Variants in THRB observed in about 807,000 individuals in gnomAD.
The protein encoded by THRB is thyroid hormone receptor beta, also known as nuclear receptor subfamily 1 group A member 2.
THRB carries 12 observed loss-of-function variants against 47.8 expected under a neutral mutation model. That is an observed-to-expected ratio of 0.25 (90% CI 0.16 to 0.41). THRB has a LOEUF of 0.41. Ranked by LOEUF, THRB falls within the 10% of genes least tolerant of loss-of-function variation. The pLI, the probability that THRB is intolerant of heterozygous loss-of-function variation, is 1.00. For synonymous variants in THRB, 218 were observed against 212.2 expected (o/e 1.03, Z -0.24); for missense variants, 348 against 589.2 (o/e 0.59, Z 4.24).
intron 4 of THRB, among the ~76,000 whole-genome samples, chr3:24,222,348 G>A (rs2047233412): frequency 6.6e-6 from 1 of 152,216 alleles, no homozygotes; most frequent in African/African-American, 2.4e-5. Flanking sequence ...GCTGAGTGGG[G>A]TTTTAAAAGG....
At chr3:24,250,677 G>C (rs1384779614) in intron 3 of THRB, among the ~76,000 whole-genome samples, 1 of 152,058 alleles carries the variant, frequency 6.6e-6, no homozygotes. Flanking sequence ...CTCCAGCCTG[G>C]GCAACAGAGT....
intron 1 of THRB, among the ~76,000 whole-genome samples, chr3:24,446,460 T>C (rs895283819): frequency 9.2e-5 from 14 of 151,962 alleles, no homozygotes; most frequent in African/African-American, 3.4e-4. Context: ...GCTGGGTTAT[T>C]GTCAAAGGAG....
chr3:24,128,221 C>T (rs1192587394), intron 9 of THRB, among the ~76,000 whole-genome samples: 1 of 152,138 alleles, frequency 6.6e-6, no homozygotes, highest in African/African-American at 2.4e-5. Flanking sequence ...GTTTTTGAAG[C>T]ACGTTTGCTC....
chr3:24,202,689 T>G (rs2044735962), intron 4 of THRB, among the ~76,000 whole-genome samples: 1 of 152,228 alleles, frequency 6.6e-6, no homozygotes. Context: ...GAGGGCCTAC[T>G]ATGTGCCATT....
At chr3:24,329,687 G>A (rs1420272255) in intron 2 of THRB, among the ~76,000 whole-genome samples, 3 of 152,150 alleles carry the variant, frequency 2.0e-5, no homozygotes, top group East Asian at 3.9e-4. Context: ...CACAATAATT[G>A]GCCCAGTTCA....
chr3:24,413,236 T>G (rs9882821), intron 1 of THRB, among the ~76,000 whole-genome samples: 16,900 of 151,918 alleles, frequency 0.11, 2,014 homozygotes, highest in African/African-American at 0.3. Flanking sequence ...TAAGGACCAT[T>G]TGAAAAGATA....
chr3:24,189,859 G>T, intron 5 of THRB: 1 of 559,448 alleles, frequency 1.8e-6, no homozygotes, highest in Non-Finnish European at 3.2e-6. Flanking sequence ...CCAGCACAAC[G>T]TGAAACCGAA....
rs1370866473 is a variant in THRB, at chr3:24,431,261, TACACACA to T, written c.-261+63384_-261+63390del. The stretch of plus-strand genomic sequence containing the variant: ...GGATCAGTCTCTCTCTCTCTCTCTC[TACACACA>T]CACACACACACACACACACACACAC... On this transcript the variant is annotated intron_variant, in intron 1 of 10. Coordinates refer to ENST00000646209, the MANE Select transcript of THRB (RefSeq NM_001354712.2). Among the ~76,000 whole-genome samples the T allele has an allele frequency of 4.8e-3, 654 of 135,782 alleles. 6 individuals are homozygous for T. Among genetic ancestry groups the T allele is most frequent in the East Asian group, 0.022 (100 of 4,636 alleles). 89.1% of individuals were successfully genotyped at this position (135,782 alleles called of 152,430 possible). A position where few individuals can be genotyped will look rare whatever the true frequency, so the allele number is the denominator to read the frequency against.
At chr3:24,177,983 G>T (rs1355263725) in intron 5 of THRB, among the ~76,000 whole-genome samples, 1 of 152,062 alleles carries the variant, frequency 6.6e-6, no homozygotes, top group African/African-American at 2.4e-5. Context: ...TGTGCTCTTT[G>T]CCCCTATTAT....
chr3:24,349,944 T>C (rs972359364), intron 1 of THRB, among the ~76,000 whole-genome samples: 1 of 151,236 alleles, frequency 6.6e-6, no homozygotes, highest in Admixed American at 6.6e-5. Context: ...ATTATGAGAG[T>C]GAAAAGTGGG....
At chr3:24,422,711 G>A (rs1286967699) in intron 1 of THRB, among the ~76,000 whole-genome samples, 1 of 151,854 alleles carries the variant, frequency 6.6e-6, no homozygotes, top group Admixed American at 6.6e-5. Flanking sequence ...CATATTGGTG[G>A]TTCTACTCTG....
intron 2 of THRB, among the ~76,000 whole-genome samples, chr3:24,325,260 C>G (rs140613564): frequency 3.5e-3 from 529 of 152,314 alleles, no homozygotes; most frequent in Non-Finnish European, 5.7e-3. Context: ...ATTGCTGCCT[C>G]AGACCCTGTT....
intron 3 of THRB, among the ~76,000 whole-genome samples, chr3:24,274,332 G>A (rs1487519876): frequency 1.3e-5 from 2 of 152,034 alleles, no homozygotes; most frequent in African/African-American, 2.4e-5. Flanking sequence ...ATTATAGAAC[G>A]TTCAGAACAG....
intron 2 of THRB, among the ~76,000 whole-genome samples, chr3:24,316,395 C>T (rs2058115034): frequency 1.3e-5 from 2 of 151,928 alleles, no homozygotes; most frequent in Middle Eastern, 3.4e-3. Context: ...CTTTTCCCTT[C>T]TCCCTCGGTT....
At chr3:24,129,739 C>T (rs974111661) in intron 9 of THRB, among the ~76,000 whole-genome samples, 11 of 148,554 alleles carry the variant, frequency 7.4e-5, no homozygotes, top group Non-Finnish European at 1.5e-4. Context: ...AGGGATACTC[C>T]CACAGGTTCT....
intron 1 of THRB, among the ~76,000 whole-genome samples, chr3:24,338,865 C>A (rs2062436822): frequency 6.6e-6 from 1 of 152,192 alleles, no homozygotes; most frequent in East Asian, 1.9e-4. Flanking sequence ...TTATTTTCTT[C>A]AATATCTCTC....
At chr3:24,145,153 G>C (rs184669740) in intron 7 of THRB, among the ~76,000 whole-genome samples, 64 of 151,634 alleles carry the variant, frequency 4.2e-4, no homozygotes, top group African/African-American at 1.5e-3. Context: ...AATGCTTCCG[G>C]TGTGCCAGGG....
chr3:24,265,332 T>A (rs1254406918), intron 3 of THRB, among the ~76,000 whole-genome samples: 1 of 152,184 alleles, frequency 6.6e-6, no homozygotes, highest in Non-Finnish European at 1.5e-5. Context: ...AGGGCACTGA[T>A]CAAGACATTA....
intron 6 of THRB, among the ~76,000 whole-genome samples, chr3:24,151,955 A>C (rs2037017001): frequency 1.3e-5 from 2 of 152,154 alleles, no homozygotes; most frequent in African/African-American, 4.8e-5. Context: ...GAGCATATTC[A>C]CTCAGACTAA....
Sources: gnomAD v4.1 joint callset for allele counts (sites outside exome capture counted in the v4.1 genomes callset) on GRCh38, gnomAD v4.1.1 for gene constraint, MANE v1.5 for transcripts, NCBI Gene and HGNC (gene_info 2026-07-23, HGNC 2026-07-21) for gene names.